LYPLA1: variants seen among roughly 807,000 people sequenced by gnomAD.
The protein encoded by LYPLA1 is acyl-protein thioesterase 1.
LYPLA1 carries 17 observed loss-of-function variants against 34.0 expected under a neutral mutation model. The observed-to-expected ratio is 0.50, with a 90% CI of 0.34 to 0.75. The LOEUF (loss-of-function observed/expected upper bound fraction) is 0.75. Among genes scored for constraint, LYPLA1 ranks in the 30% least tolerant of loss-of-function variants. The probability of loss-of-function intolerance (pLI) is 0.01; values close to 1 mark genes in which losing one functional copy is unlikely to be tolerated. For synonymous variants in LYPLA1, 98 were observed against 100.8 expected, an observed-to-expected ratio of 0.97 and a Z score of 0.17; for missense variants, 203 against 288.8, an observed-to-expected ratio of 0.70 and a Z score of 2.15.
At chr8:54,045,284 T>C (rs1460501042), downstream of LYPLA1, among the ~76,000 whole-genome samples, 2 of 152,228 alleles carry the variant, frequency 1.3e-5, no homozygotes, top group Non-Finnish European at 2.9e-5. Context: ...TTTAAAACTA[T>C]TTATACTTTC....
intron 2 of LYPLA1, among the ~76,000 whole-genome samples, chr8:54,075,585 G>A (rs1807834609): frequency 6.6e-6 from 1 of 152,192 alleles, no homozygotes; most frequent in Non-Finnish European, 1.5e-5. Flanking sequence ...CAGTCACAAT[G>A]AATAATTTAA....
chr8:54,078,566 G>A (rs973484643), intron 2 of LYPLA1, among the ~76,000 whole-genome samples: 2 of 152,198 alleles, frequency 1.3e-5, no homozygotes, highest in Admixed American at 6.5e-5. Context: ...CCCATTGTAA[G>A]TCAAGGCGCA....
intron 2 of LYPLA1, chr8:54,100,617 T>C (rs1810051671): frequency 1.0e-5 from 4 of 386,222 alleles, no homozygotes; most frequent in South Asian, 1.0e-4. Flanking sequence ...TTGCACACCG[T>C]CCCTACTAAC....
At chr8:54,084,165 A>ATATATAT (rs1563642835) in intron 2 of LYPLA1, among the ~76,000 whole-genome samples, 16 of 135,206 alleles carry the variant, frequency 1.2e-4, no homozygotes, top group African/African-American at 3.4e-4. Flanking sequence ...TATATATATA[A>ATATATAT]AATAAAGACC....
At chr8:54,065,120 G>T (rs952926830) in intron 3 of LYPLA1, among the ~76,000 whole-genome samples, 7 of 152,070 alleles carry the variant, frequency 4.6e-5, no homozygotes, top group Non-Finnish European at 1.0e-4. Context: ...ACGTAATAAA[G>T]AGTTCTCACA....
At chr8:54,043,457 G>A (rs1025810999), downstream of LYPLA1, among the ~76,000 whole-genome samples, 6 of 151,774 alleles carry the variant, frequency 4.0e-5, no homozygotes, top group African/African-American at 1.5e-4. Context: ...TGTATTTTTA[G>A]TAGAGACGGG....
At chr8:54,093,498 G>A (rs757537694) in intron 2 of LYPLA1, among the ~76,000 whole-genome samples, 5 of 152,138 alleles carry the variant, frequency 3.3e-5, no homozygotes, top group African/African-American at 7.2e-5. Flanking sequence ...AGGCAAGGAC[G>A]GATCTTCCGT....
chr8:54,068,961 C>A (rs1171575973), intron 2 of LYPLA1, among the ~76,000 whole-genome samples: 1 of 152,074 alleles, frequency 6.6e-6, no homozygotes, highest in Non-Finnish European at 1.5e-5. Context: ...AAACTTGCAA[C>A]TCACAAACAA....
intron 7 of LYPLA1, among the ~76,000 whole-genome samples, chr8:54,051,433 T>C (rs1805837475): frequency 6.6e-6 from 1 of 152,104 alleles, no homozygotes; most frequent in Admixed American, 6.5e-5. Context: ...AAGCAGATTA[T>C]ATATACATTT....
At chr8:54,045,414 A>G (rs1419255365), downstream of LYPLA1, 1 of 152,242 alleles carries the variant, frequency 6.6e-6, no homozygotes, top group Non-Finnish European at 1.5e-5. Context: ...AGCTCTGACC[A>G]CATTTAGTAG....
chr8:54,085,936 C>T (rs1808723935), intron 2 of LYPLA1, among the ~76,000 whole-genome samples: 1 of 152,188 alleles, frequency 6.6e-6, no homozygotes, highest in African/African-American at 2.4e-5. Context: ...GGGAGGTGTA[C>T]CCAACAGCTC....
chr8:54,044,574 G>A (rs1805436401), downstream of LYPLA1, among the ~76,000 whole-genome samples: 1 of 151,996 alleles, frequency 6.6e-6, no homozygotes, highest in Non-Finnish European at 1.5e-5. Flanking sequence ...ACTTCCCTAT[G>A]CTGGGGGGTG....
At chr8:54,054,963 TAAC>T (rs898217198) in intron 6 of LYPLA1, 94 bp downstream of exon 6, 2 of 731,768 alleles carry the variant, frequency 2.7e-6, no homozygotes, top group African/African-American at 3.6e-5. Context: ...CAAGATTCTA[TAAC>T]ATCAAAAAAG....
intron 2 of LYPLA1, among the ~76,000 whole-genome samples, chr8:54,074,541 T>G (rs906935180): frequency 2.0e-5 from 3 of 152,246 alleles, no homozygotes; most frequent in Admixed American, 2.0e-4. Context: ...TTCCAGGACC[T>G]TTGAAAGGAA....
At chr8:54,052,186 T>C (rs1425437384) in intron 7 of LYPLA1, among the ~76,000 whole-genome samples, 2 of 152,162 alleles carry the variant, frequency 1.3e-5, no homozygotes, top group Non-Finnish European at 2.9e-5. Context: ...TTAAAAAAAG[T>C]CCTAATTTTC....
chr8:54,078,733 A>T (rs185439762), intron 2 of LYPLA1, among the ~76,000 whole-genome samples: 2 of 152,264 alleles, frequency 1.3e-5, no homozygotes. Flanking sequence ...TAAGTCTGAA[A>T]ACATTTGGGA....
At chr8:54,088,323 G>A (rs1808954471) in intron 2 of LYPLA1, among the ~76,000 whole-genome samples, 1 of 152,110 alleles carries the variant, frequency 6.6e-6, no homozygotes, top group South Asian at 2.1e-4. Flanking sequence ...TTTAAAGAGG[G>A]ACCTCTATTT....
intron 2 of LYPLA1, among the ~76,000 whole-genome samples, chr8:54,091,939 A>C (rs975940302): frequency 6.6e-6 from 1 of 152,090 alleles, no homozygotes; most frequent in Non-Finnish European, 1.5e-5. Flanking sequence ...ACTTTAAAAA[A>C]TAGCCAGGCA....
In LYPLA1 at chr8:54,046,737, CA is replaced by C. The variant is rs1320819019; in HGVS notation, c.*1327del. ...ACACAGTTGAGAAATATCAAGCATACATTTTTGCTACATATTAATCTGTATG... is the reference window on the plus strand; with the variant it reads ...ACACAGTTGAGAAATATCAAGCATACTTTTTGCTACATATTAATCTGTATG... On this transcript the variant is annotated 3_prime_UTR_variant, in exon 9 of 9. Transcript: ENST00000316963. 7.2e-5 allele frequency: 11 copies of C among 152,360 alleles called. No individual in the cohort carries two copies. In the East Asian group the frequency reaches 1.9e-3, roughly 27 times the overall value. The allele number at this position is 152,360 out of a possible 1,614,324, so 9.4% of individuals were successfully genotyped here. A position where few individuals can be genotyped will look rare whatever the true frequency, so the allele number is the denominator to read the frequency against.
Sources: allele counts gnomAD v4.1 joint callset (sites outside exome capture counted in the v4.1 genomes callset), GRCh38; gene constraint gnomAD v4.1.1; transcripts MANE v1.5; gene names NCBI Gene and HGNC (gene_info 2026-07-23, HGNC 2026-07-21).